Variants in SGCZ observed in about 807,000 individuals in gnomAD.
The protein encoded by SGCZ is zeta-sarcoglycan.
In SGCZ, 40 loss-of-function variants were observed where a neutral mutation model predicts 41.3. The observed-to-expected ratio is 0.97, with a 90% CI of 0.75 to 1.26. The LOEUF (loss-of-function observed/expected upper bound fraction) is 1.26. SGCZ is among the 50% of genes most tolerant of loss of function. The probability of loss-of-function intolerance (pLI) is 0.00; values close to 1 mark genes in which losing one functional copy is unlikely to be tolerated. For missense variants in SGCZ, 552 were observed against 369.8 expected (o/e 1.49, Z -4.04); for synonymous variants, 206 against 137.5 (o/e 1.50, Z -3.49).
At chr8:14,416,172 T>TTATG in intron 2 of SGCZ, among the ~76,000 whole-genome samples, 1 of 151,868 alleles carries the variant, frequency 6.6e-6, no homozygotes, top group Non-Finnish European at 1.5e-5. Flanking sequence ...ACGCACACAC[T>TTATG]CACACACACT....
Position 14,441,429 on chromosome 8 carries a change from G to A in SGCZ, c.234+113303C>T, listed in dbSNP as rs144639824. Among the ~76,000 whole-genome samples the A allele has an allele frequency of 7.5e-3, 1,145 of 152,190 alleles. 22 individuals are homozygous for A. The highest frequency in any genetic ancestry group is 0.026 in the African/African-American group (1,097 of 41,518). On this transcript the variant is annotated intron_variant, in intron 2 of 7. Transcript: ENST00000382080. ...GTCTCTACTGAAAATACAAAAATTA[G>A]TTGGGCGTGGTGGCACGCACGGGTA...
rs1055893910 is a variant in SGCZ at position 15,023,757 on chromosome 8, A to G, written c.39+213828T>C. ...TTCACAATAGAGTATTGAATAGTGG[A>G]CAGTAGACAAAAAAGGTTATGTGAG... On this transcript the variant is annotated intron_variant, in intron 1 of 7. Transcript: ENST00000382080. Among the ~76,000 whole-genome samples the G allele has an allele frequency of 2.0e-5, 3 of 152,186 alleles. 1 individual carries two copies. The highest frequency in any genetic ancestry group is 4.1e-4 in the South Asian group (2 of 4,834).
At chr8:14,145,550 C>T (rs376017213) in intron 5 of SGCZ, among the ~76,000 whole-genome samples, 1 of 152,264 alleles carries the variant, frequency 6.6e-6, no homozygotes, top group East Asian at 1.9e-4. Context: ...TTGTTAATAT[C>T]AACACTATCC....
At chr8:14,520,855 A>G (rs766583588) in intron 2 of SGCZ, among the ~76,000 whole-genome samples, 7 of 152,140 alleles carry the variant, frequency 4.6e-5, no homozygotes, top group Non-Finnish European at 1.0e-4. Flanking sequence ...ATAACAGTGC[A>G]CATTTTTAGG....
intron 1 of SGCZ, among the ~76,000 whole-genome samples, chr8:14,843,631 G>C (rs1167435393): frequency 1.3e-5 from 2 of 151,968 alleles, no homozygotes; most frequent in Non-Finnish European, 2.9e-5. Flanking sequence ...CAGATACATG[G>C]AGACACATGA....
chr8:14,105,716 A>G (rs1169602862), intron 6 of SGCZ, among the ~76,000 whole-genome samples: 1 of 152,124 alleles, frequency 6.6e-6, no homozygotes, highest in Non-Finnish European at 1.5e-5. Flanking sequence ...ATAATGATGA[A>G]TAATTAGAAA....
At chr8:15,237,252 G>GC (rs57656728) in intron 1 of SGCZ, among the ~76,000 whole-genome samples, 15,820 of 150,002 alleles carry the variant, frequency 0.11, 923 homozygotes, top group Middle Eastern at 0.14. Flanking sequence ...TGGTGCCGCT[G>GC]CCCCCCCCGG....
chr8:15,087,581 T>C (rs188889055), intron 1 of SGCZ, among the ~76,000 whole-genome samples: 5 of 152,298 alleles, frequency 3.3e-5, no homozygotes, highest in East Asian at 1.9e-4. Context: ...TGAAGTGTCA[T>C]TGAGAATAAA....
In SGCZ at chr8:14,552,012, G is replaced by T. The variant is rs1007770471; in HGVS notation, c.234+2720C>A. On this transcript the variant is annotated intron_variant, in intron 2 of 7. Transcript: ENST00000382080. ...TGTTAACAGCCACAGATTTCCCTGT[G>T]TTGGATACAATAGTTATAATGAAAG... Among the ~76,000 whole-genome samples, 4 of 151,862 alleles carry T rather than the reference G, an allele frequency of 2.6e-5. No individual in the cohort carries two copies. The South Asian group carries it at 8.3e-4, about 31-fold the overall frequency.
intron 1 of SGCZ, among the ~76,000 whole-genome samples, chr8:14,950,696 G>A (rs1800602458): frequency 6.6e-6 from 1 of 151,936 alleles, no homozygotes; most frequent in African/African-American, 2.4e-5. Flanking sequence ...AGCAAGATTT[G>A]AGAAATGTGA....
intron 1 of SGCZ, among the ~76,000 whole-genome samples, chr8:14,636,219 G>C (rs1357557440): frequency 1.3e-5 from 2 of 151,858 alleles, no homozygotes; most frequent in Non-Finnish European, 2.9e-5. Flanking sequence ...TTTTGTTATA[G>C]AGAAGCTGGT....
chr8:14,846,936 G>A (rs1421617536), intron 1 of SGCZ, among the ~76,000 whole-genome samples: 1 of 151,996 alleles, frequency 6.6e-6, no homozygotes, highest in African/African-American at 2.4e-5. Context: ...GCTGGGCGTG[G>A]TGGCACATGC....
chr8:15,115,717 T>C (rs1425164748), intron 1 of SGCZ, among the ~76,000 whole-genome samples: 2 of 152,248 alleles, frequency 1.3e-5, no homozygotes, highest in Admixed American at 1.3e-4. Context: ...TGCAAATGTC[T>C]CTTTAGGTCA....
intron 2 of SGCZ, among the ~76,000 whole-genome samples, chr8:14,349,382 T>G (rs1803007711): frequency 6.6e-6 from 1 of 152,088 alleles, no homozygotes; most frequent in Admixed American, 6.6e-5. Flanking sequence ...CCTTTTATAG[T>G]ATATATTTGT....
chr8:14,121,374 T>C (rs184773110), intron 5 of SGCZ, among the ~76,000 whole-genome samples: 21 of 152,228 alleles, frequency 1.4e-4, no homozygotes, highest in African/African-American at 5.1e-4. Flanking sequence ...GTTATAAGGG[T>C]GTTTAAAAAG....
At chr8:14,530,178 T>C (rs1485791741) in intron 2 of SGCZ, among the ~76,000 whole-genome samples, 2 of 151,976 alleles carry the variant, frequency 1.3e-5, no homozygotes, top group African/African-American at 4.8e-5. Flanking sequence ...ATTACATATC[T>C]ATTCTTAAGA....
intron 2 of SGCZ, among the ~76,000 whole-genome samples, chr8:14,494,225 T>C (rs1453793718): frequency 6.6e-6 from 1 of 152,158 alleles, no homozygotes; most frequent in African/African-American, 2.4e-5. Context: ...TTCCAAGAAG[T>C]TGAAATAAAG....
intron 3 of SGCZ, among the ~76,000 whole-genome samples, chr8:14,296,953 C>G (rs7814925): frequency 0.26 from 39,311 of 151,704 alleles, 7,077 homozygotes; most frequent in African/African-American, 0.51. Flanking sequence ...CGGATTTTCG[C>G]TCTTGTTGCC....
chr8:14,251,085 G>A (rs1281938539), intron 3 of SGCZ, among the ~76,000 whole-genome samples: 2 of 152,024 alleles, frequency 1.3e-5, no homozygotes, highest in African/African-American at 2.4e-5. Flanking sequence ...AAAATTAGCC[G>A]GGTGCAGTGG....
Sources: allele counts gnomAD v4.1 joint callset (sites outside exome capture counted in the v4.1 genomes callset), GRCh38; gene constraint gnomAD v4.1.1; transcripts MANE v1.5; gene names NCBI Gene and HGNC (gene_info 2026-07-23, HGNC 2026-07-21).